The following GIT1 variants were observed in gnomAD, a reference collection of about 807,000 sequenced individuals.
GIT1 encodes the protein GIT ArfGAP 1.
A neutral mutation model predicts 91.7 loss-of-function variants in GIT1; 14 were observed. The ratio of observed to expected loss-of-function variants is 0.15; its 90% CI spans 0.10 to 0.24. The LOEUF (loss-of-function observed/expected upper bound fraction) is 0.24, where lower values mean the gene tolerates loss of function less well. GIT1 is among the 10% of genes least tolerant of loss of function. The probability of loss-of-function intolerance (pLI) is 1.00; values close to 1 mark genes in which losing one functional copy is unlikely to be tolerated. For missense variants in GIT1, 717 were observed against 1,024.9 expected, an observed-to-expected ratio of 0.70 and a Z score of 4.10; for synonymous variants, 414 against 418.2, an observed-to-expected ratio of 0.99 and a Z score of 0.12.
Position 29,577,160 on chromosome 17 carries a change from CCTG to C in GIT1, c.1066_1068del (p.Gln356del). On this transcript the variant is annotated inframe_deletion, in exon 11 of 20. Coordinates refer to ENST00000225394, the MANE Select transcript of GIT1 (RefSeq NM_014030.4). ...CCTGTGGGGCTGCTCAGGCTCTTGC[CCTG>C]CTGTCTCCGCTTGGCCTCACTGAGA... 6.2e-7 allele frequency: 1 copy of C among 1,613,936 alleles called. No individual in the cohort carries two copies. Among genetic ancestry groups the C allele is most frequent in the Admixed American group, 1.7e-5 (1 of 60,026 alleles).
chr17:29,577,652 C>T lies in GIT1; in HGVS notation c.974G>A (p.Arg325Gln), dbSNP rs2033260523. 2 of 1,601,182 alleles carry T rather than the reference C, an allele frequency of 1.2e-6. No individual in the cohort carries two copies. Among genetic ancestry groups the T allele is most frequent in the Non-Finnish European group, 1.7e-6 (2 of 1,168,414 alleles). The change falls in exon 10 of 20, where the codon CGG becomes CAG. Residue 325 changes from arginine to glutamine, a missense_variant. Arg to Gln is a conservative substitution (Grantham distance 43). This residue lies in a region of GIT1 where 271 missense variants were observed against 451.6 expected (regional missense o/e 0.60). Coordinates refer to ENST00000225394, the MANE Select transcript of GIT1 (RefSeq NM_014030.4). ...CCAATCCAGCCCCCTCACCTGATTC[C>T]GCGTGGCTGAGTATTCCGGGTTAAC... ...LPVNPEYSAT[R>Q]NQGRQKLARF...
In GIT1 at chr17:29,574,116, G is replaced by A. The variant is rs1413534827; in HGVS notation, c.*586C>T. 1 of 152,600 alleles carries A rather than the reference G, an allele frequency of 6.6e-6. No individual in the cohort carries two copies. Among genetic ancestry groups the A allele is most frequent in the Non-Finnish European group, 1.5e-5 (1 of 68,326 alleles). The allele number at this position is 152,600 out of a possible 1,614,324, so 9.5% of individuals were successfully genotyped here. A position where few individuals can be genotyped will look rare whatever the true frequency, so the allele number is the denominator to read the frequency against. On this transcript the variant is annotated 3_prime_UTR_variant, in exon 20 of 20. Transcript: ENST00000225394. ...ACCACAAAGTTAAAATTAAGGGGTG[G>A]GGAAGAAGAAAGAAAAAAAAAAAAC...
In GIT1 at chr17:29,589,390, A is replaced by C; in HGVS notation, c.-12T>G. 3 of 1,046,492 alleles carry C rather than the reference A, an allele frequency of 2.9e-6. No homozygotes were observed. The highest frequency in any genetic ancestry group is 3.5e-6 in the Non-Finnish European group (3 of 862,946). 64.8% of individuals were successfully genotyped at this position (1,046,492 alleles called of 1,614,324 possible). On this transcript the variant is annotated 5_prime_UTR_variant, in exon 1 of 20. Transcript: ENST00000225394. The surrounding 1 kb of genome is among the most constrained non-coding windows in gnomAD (Gnocchi z 5.2). ...CCCTTTCGGGACATCCTCAGCGGCG[A>C]CGCGGCCGCAGCCCTCTGGGCCAGC...
intron 7 of GIT1, 76 bp from the exon 8 acceptor site, chr17:29,578,855 C>A (rs1415865566): frequency 1.3e-5 from 20 of 1,562,732 alleles, no homozygotes; most frequent in South Asian, 4.4e-5. Flanking sequence ...CAGCAACCTC[C>A]CCAACATGCA....
chr17:29,577,395 G>T, intron 10 of GIT1, 148 bp from the exon 11 acceptor site: 1 of 708,604 alleles, frequency 1.4e-6, no homozygotes, highest in Non-Finnish European at 2.4e-6. Flanking sequence ...CTAGTCAGCA[G>T]CCAAGGCCAC....
chr17:29,574,574 AG>A lies in GIT1; in HGVS notation c.*127del. 2 of 831,678 alleles carry A rather than the reference AG, an allele frequency of 2.4e-6. No individual in the cohort carries two copies. Among genetic ancestry groups the A allele is most frequent in the Non-Finnish European group, 4.0e-6 (2 of 494,710 alleles). 51.5% of individuals were successfully genotyped at this position (831,678 alleles called of 1,614,324 possible). A position where few individuals can be genotyped will look rare whatever the true frequency, so the allele number is the denominator to read the frequency against. ...GTGGGCACCAGGGCACCTGGCTGCC[AG>A]GGAGTGTGGCAGCACTAAGGGCACT... On this transcript the variant is annotated 3_prime_UTR_variant, in exon 20 of 20. Transcript: ENST00000225394.
chr17:29,576,803 G>A, intron 12 of GIT1, 60 bp downstream of exon 12: 1 of 1,575,562 alleles, frequency 6.3e-7, no homozygotes, highest in South Asian at 1.1e-5. Flanking sequence ...GACAGAGCTG[G>A]GCCTCAGCGA....
intron 1 of GIT1, among the ~76,000 whole-genome samples, chr17:29,588,742 C>T (rs1051308831): frequency 3.3e-5 from 5 of 152,194 alleles, no homozygotes; most frequent in Admixed American, 2.6e-4. Context: ...AACGCCAGGC[C>T]CGGCAAGGAG....
chr17:29,586,633 A>C (rs1361080588), intron 1 of GIT1, among the ~76,000 whole-genome samples: 1 of 152,218 alleles, frequency 6.6e-6, no homozygotes, highest in Non-Finnish European at 1.5e-5. Flanking sequence ...GTCCCGTAAC[A>C]TGTCCCCGGC....
rs1175163312 is a variant in GIT1 at position 29,577,267 on chromosome 17, A to G, written c.982-20T>C. ...TCGCCCCTGCAAGGCAGAAAGGGCC[A>G]GGCTGGCTTCAGGGGACCCCTTATG... is the stretch of plus-strand genomic sequence containing the variant. On this transcript the variant is annotated intron_variant, in intron 10 of 19. Coordinates refer to ENST00000225394, the MANE Select transcript of GIT1 (RefSeq NM_014030.4). The G allele has an allele frequency of 1.9e-6, 3 of 1,605,990 alleles. No individual in the cohort carries two copies. The highest frequency in any genetic ancestry group is 2.7e-5 in the African/African-American group (2 of 74,896).
In GIT1 at chr17:29,582,631, G is replaced by A; in HGVS notation, c.405+67C>T. Reference sequence around the variant, plus strand: ...AGGGCTCAGTGGGGACAAAGGAGAGGCCTTCAGAGAGTCGTGGATGGGAAG... The same window carrying A: ...AGGGCTCAGTGGGGACAAAGGAGAGACCTTCAGAGAGTCGTGGATGGGAAG... On this transcript the variant is annotated intron_variant, in intron 4 of 19. Transcript: ENST00000225394. 7 of 1,080,452 alleles carry A rather than the reference G, an allele frequency of 6.5e-6. No individual in the cohort carries two copies. In the Admixed American group the frequency reaches 1.1e-4, roughly 17 times the overall value. The allele number at this position is 1,080,452 out of a possible 1,614,324, so 66.9% of individuals were successfully genotyped here.
At chr17:29,577,100 G>A (rs370437304) in intron 11 of GIT1, 36 bp downstream of exon 11, 16 of 1,605,786 alleles carry the variant, frequency 1.0e-5, no homozygotes, top group African/African-American at 6.7e-5. Context: ...CTGGAGCCCC[G>A]CCTGCTTCCC....
At position 29,582,926 on chromosome 17, in the gene GIT1, G is replaced by A. The variant is rs1199861356; in HGVS notation, c.298C>T (p.His100Tyr). 1 of 1,605,104 alleles carries A rather than the reference G, an allele frequency of 6.2e-7. No individual in the cohort carries two copies. The highest frequency in any genetic ancestry group is 1.7e-5 in the Admixed American group (1 of 60,008). Residue 100 changes from histidine to tyrosine, a missense_variant and splice_region_variant, in exon 3 of 20, where the codon CAC becomes TAC. Coordinates refer to ENST00000225394, the MANE Select transcript of GIT1 (RefSeq NM_014030.4). ...CACCACCCCTCCAGCCCCACTCACTGGACTTTGTCTTGGGGGTTGGCTTTA... is the reference window on the plus strand; with the variant it reads ...CACCACCCCTCCAGCCCCACTCACTAGACTTTGTCTTGGGGGTTGGCTTTA... ...RRKANPQDKV[H>Y]PIKSEFIRAK...
Position 29,581,185 on chromosome 17 carries a change from A to G in GIT1, c.761+153T>C, listed in dbSNP as rs998559999. The G allele has an allele frequency of 2.9e-5, 19 of 661,380 alleles. 1 individual carries two copies. In the Admixed American group the frequency reaches 4.2e-4, roughly 15 times the overall value. 41.0% of individuals were successfully genotyped at this position (661,380 alleles called of 1,614,324 possible). Reference sequence around the variant, plus strand: ...ACATTTTTTACCTGCCTTGGGGCCCAGCATTAGGGACTGAGGACTAAGCTG... The same window carrying G: ...ACATTTTTTACCTGCCTTGGGGCCCGGCATTAGGGACTGAGGACTAAGCTG... On this transcript the variant is annotated intron_variant, in intron 7 of 19. Coordinates refer to ENST00000225394, the MANE Select transcript of GIT1 (RefSeq NM_014030.4). The surrounding 1 kb of genome is among the most constrained non-coding windows in gnomAD (Gnocchi z 4.8).
At chr17:29,585,126 AG>A (rs1238308648) in intron 1 of GIT1, among the ~76,000 whole-genome samples, 1 of 152,000 alleles carries the variant, frequency 6.6e-6, no homozygotes, top group Non-Finnish European at 1.5e-5. Context: ...CTCAGGAGGA[AG>A]GGACCAGCCT....
chr17:29,576,212 T>A lies in GIT1; in HGVS notation c.1611+8A>T, dbSNP rs766140796. 5.6e-6 allele frequency: 9 copies of A among 1,606,308 alleles called. No homozygotes were observed. The South Asian group carries it at 7.7e-5, about 14-fold the overall frequency. On this transcript the variant is annotated splice_region_variant and intron_variant, in intron 14 of 19. Coordinates refer to ENST00000225394, the MANE Select transcript of GIT1 (RefSeq NM_014030.4). Reference sequence around the variant, plus strand: ...CTCCCCACACCTTGAGACCCATAGGTGACTCACAGTGCTGTGGAAAGGCTG... The same window carrying A: ...CTCCCCACACCTTGAGACCCATAGGAGACTCACAGTGCTGTGGAAAGGCTG...
At position 29,581,939 on chromosome 17, in the gene GIT1, A is replaced by G. The variant is rs778705548; in HGVS notation, c.611T>C (p.Ile204Thr). 4.3e-6 allele frequency: 7 copies of G among 1,612,840 alleles called. No homozygotes were observed. The highest frequency in any genetic ancestry group is 5.9e-6 in the Non-Finnish European group (7 of 1,179,952). The change falls in exon 5 of 20, where the codon ATT becomes ACT. Residue 204 changes from isoleucine to threonine, a missense_variant. Physicochemically the swap from Ile to Thr is moderately conservative, Grantham distance 89. This residue lies in a region of GIT1 where 271 missense variants were observed against 451.6 expected (regional missense o/e 0.60). Transcript: ENST00000225394. This position sits in a 1 kb window ranked among gnomAD's most constrained non-coding sequence, Gnocchi z 4.8. ...AGCCGACCCTCACCTGGCATAGTCA[A>G]TGGGTGTGCGGCCATTAACATCAGG... is the stretch of plus-strand genomic sequence containing the variant. The part of the protein sequence containing the change: ...GSPDVNGRTP[I>T]DYARQAGHHE...
chr17:29,578,643 A>G, intron 8 of GIT1, 88 bp downstream of exon 8: 1 of 1,204,836 alleles, frequency 8.3e-7, no homozygotes, highest in Non-Finnish European at 1.2e-6. Flanking sequence ...AAGGTCATCG[A>G]GTCAGAGGCA....
In GIT1 at chr17:29,589,418, G is replaced by A. The variant is rs1391489735; in HGVS notation, c.-40C>T. On this transcript the variant is annotated 5_prime_UTR_variant, in exon 1 of 20. Coordinates refer to ENST00000225394, the MANE Select transcript of GIT1 (RefSeq NM_014030.4). The surrounding 1 kb of genome is among the most constrained non-coding windows in gnomAD (Gnocchi z 5.2). ...CGGCCGCAGCCCTCTGGGCCAGCGT[G>A]GGGGGCGCGGGCGGCGGGCCCGGGC... 2 of 906,474 alleles carry A rather than the reference G, an allele frequency of 2.2e-6. No homozygotes were observed. Among genetic ancestry groups the A allele is most frequent in the African/African-American group, 3.6e-5 (2 of 55,084 alleles). 56.2% of individuals were successfully genotyped at this position (906,474 alleles called of 1,614,324 possible).
Sources: gnomAD v4.1 joint callset for allele counts (sites outside exome capture counted in the v4.1 genomes callset) on GRCh38, gnomAD v4.1.1 for gene constraint, gnomAD v4.1.1 regional missense constraint, Gnocchi (gnomAD v3.1) non-coding constraint, MANE v1.5 for transcripts, NCBI Gene and HGNC (gene_info 2026-07-23, HGNC 2026-07-21) for gene names.